Variants in ETNK1 observed in about 807,000 individuals in gnomAD.
ETNK1 encodes ethanolamine kinase 1.
In ETNK1, 8 loss-of-function variants were observed where a neutral mutation model predicts 45.1. The ratio of observed to expected loss-of-function variants is 0.18; its 90% CI spans 0.10 to 0.32. ETNK1 has a LOEUF of 0.32. Ranked by LOEUF, ETNK1 falls within the 10% of genes least tolerant of loss-of-function variation. The pLI is 1.00. For synonymous variants in ETNK1, 152 were observed against 151.9 expected, an observed-to-expected ratio of 1.00 and a Z score of -0.01; for missense variants, 302 against 430.6, an observed-to-expected ratio of 0.70 and a Z score of 2.64.
At position 22,679,175 on chromosome 12, in the gene ETNK1, G is replaced by A. The variant is rs533374750; in HGVS notation, c.946-5308G>A. Among the ~76,000 whole-genome samples the A allele has an allele frequency of 1.6e-4, 24 of 152,314 alleles. No individual in the cohort carries two copies. The South Asian group carries it at 4.6e-3, about 29-fold the overall frequency. ...GAAGAAAGAAGCCAGTAGTGGCGCA[G>A]TACAAGTTTGAAAGTCTCAAAACCA... On this transcript the variant is annotated intron_variant, in intron 6 of 7. Transcript: ENST00000266517.
chr12:22,661,892 G>T (rs1954003094), intron 4 of ETNK1, among the ~76,000 whole-genome samples: 1 of 152,142 alleles, frequency 6.6e-6, no homozygotes. Context: ...CCACTCGGTT[G>T]TATTATATTA....
At chr12:22,640,088 G>A (rs1953715273) in intron 1 of ETNK1, among the ~76,000 whole-genome samples, 3 of 152,152 alleles carry the variant, frequency 2.0e-5, no homozygotes, top group Admixed American at 2.0e-4. Flanking sequence ...TGGGTTGTTG[G>A]AATTTGTTAA....
At chr12:22,667,991 G>A (rs547382649) in intron 4 of ETNK1, among the ~76,000 whole-genome samples, 7 of 152,276 alleles carry the variant, frequency 4.6e-5, no homozygotes, top group Non-Finnish European at 8.8e-5. Context: ...AATTCAAATT[G>A]TAGTTTTATC....
intron 4 of ETNK1, among the ~76,000 whole-genome samples, chr12:22,663,232 G>A (rs1401293903): frequency 2.0e-5 from 3 of 152,042 alleles, no homozygotes; most frequent in Admixed American, 6.5e-5. Context: ...CATTAGTTAC[G>A]CATTAAAGCA....
intron 2 of ETNK1, among the ~76,000 whole-genome samples, chr12:22,654,283 T>C (rs564780072): frequency 6.6e-6 from 1 of 152,334 alleles, no homozygotes; most frequent in Admixed American, 6.5e-5. Context: ...AATTTTGTTA[T>C]ATAAAAGATA....
intron 1 of ETNK1, among the ~76,000 whole-genome samples, chr12:22,641,507 T>C (rs1953736310): frequency 6.6e-6 from 1 of 152,164 alleles, no homozygotes; most frequent in African/African-American, 2.4e-5. Flanking sequence ...CCCTATCTAA[T>C]GTTGAATGTT....
intron 1 of ETNK1, among the ~76,000 whole-genome samples, chr12:22,631,026 C>T (rs917640796): frequency 6.6e-6 from 1 of 152,112 alleles, no homozygotes; most frequent in Non-Finnish European, 1.5e-5. Context: ...TCACTCAGGA[C>T]ATTGGTTTTG....
intron 6 of ETNK1, chr12:22,682,459 T>G (rs902479629): frequency 1.7e-4 from 47 of 281,132 alleles, no homozygotes; most frequent in African/African-American, 9.8e-4. Context: ...TGTGTCCCAT[T>G]AAAAATGTGC....
At chr12:22,663,458 C>T (rs1328344272) in intron 4 of ETNK1, among the ~76,000 whole-genome samples, 1 of 151,978 alleles carries the variant, frequency 6.6e-6, no homozygotes, top group Non-Finnish European at 1.5e-5. Flanking sequence ...TTTCACAGAA[C>T]AAAACTTGTT....
At chr12:22,683,109 G>T (rs1204768419) in intron 6 of ETNK1, among the ~76,000 whole-genome samples, 1 of 152,042 alleles carries the variant, frequency 6.6e-6, no homozygotes, top group Non-Finnish European at 1.5e-5. Context: ...GGAAATAAAC[G>T]CACCACGTGA....
chr12:22,635,675 A>C (rs937921106), intron 1 of ETNK1, among the ~76,000 whole-genome samples: 6 of 152,104 alleles, frequency 3.9e-5, no homozygotes, highest in African/African-American at 1.2e-4. Context: ...TTCATTTCCA[A>C]TGAGTTGATG....
At chr12:22,673,839 A>T (rs76887157) in intron 6 of ETNK1, among the ~76,000 whole-genome samples, 179 bp downstream of exon 6, 1 of 152,164 alleles carries the variant, frequency 6.6e-6, no homozygotes, top group Admixed American at 6.5e-5. Context: ...AAGGACAAAA[A>T]TTTTGTTTCA....
At chr12:22,665,576 T>C (rs1954046000) in intron 4 of ETNK1, among the ~76,000 whole-genome samples, 1 of 152,138 alleles carries the variant, frequency 6.6e-6, no homozygotes, top group South Asian at 2.1e-4. Flanking sequence ...TTAGGCATTG[T>C]GGGCTGGATA....
At chr12:22,680,329 T>C (rs1344973952) in intron 6 of ETNK1, among the ~76,000 whole-genome samples, 1 of 152,234 alleles carries the variant, frequency 6.6e-6, no homozygotes, top group Non-Finnish European at 1.5e-5. Context: ...TCATTTATTC[T>C]GTATATTAAA....
chr12:22,657,909 C>T (rs575772901), intron 2 of ETNK1, among the ~76,000 whole-genome samples: 46 of 152,086 alleles, frequency 3.0e-4, no homozygotes, highest in African/African-American at 1.1e-3. Context: ...AGTATAGAAA[C>T]ATAATAATAA....
intron 1 of ETNK1, among the ~76,000 whole-genome samples, chr12:22,636,441 G>A (rs1953656240): frequency 6.6e-6 from 1 of 151,498 alleles, no homozygotes; most frequent in South Asian, 2.1e-4. Flanking sequence ...CTGTATTGTT[G>A]GATACATGCA....
chr12:22,674,737 C>A (rs1161508888), intron 6 of ETNK1, among the ~76,000 whole-genome samples: 2 of 152,186 alleles, frequency 1.3e-5, no homozygotes, highest in Admixed American at 1.3e-4. Context: ...CAATTCTTAA[C>A]CATCAATCCC....
At chr12:22,662,835 C>T (rs1486241486) in intron 4 of ETNK1, among the ~76,000 whole-genome samples, 1 of 152,174 alleles carries the variant, frequency 6.6e-6, no homozygotes. Context: ...GTTTATGACC[C>T]TTCTTAGAGT....
intron 6 of ETNK1, among the ~76,000 whole-genome samples, chr12:22,676,548 G>A (rs1273903863): frequency 6.6e-6 from 1 of 151,974 alleles, no homozygotes; most frequent in Non-Finnish European, 1.5e-5. Context: ...TGGGTCAAAT[G>A]GTATTTCTGG....
Sources: gnomAD v4.1 joint callset for allele counts (sites outside exome capture counted in the v4.1 genomes callset) on GRCh38, gnomAD v4.1.1 for gene constraint, MANE v1.5 for transcripts, NCBI Gene and HGNC (gene_info 2026-07-23, HGNC 2026-07-21) for gene names.